The following RNF130 variants were observed in gnomAD, a reference collection of about 807,000 sequenced individuals.
The protein encoded by RNF130 is E3 ubiquitin-protein ligase RNF130.
A neutral mutation model predicts 44.6 loss-of-function variants in RNF130; 21 were observed. The ratio of observed to expected loss-of-function variants is 0.47; its 90% confidence interval spans 0.33 to 0.68. The LOEUF (loss-of-function observed/expected upper bound fraction) is 0.68, where lower values mean the gene tolerates loss of function less well. RNF130 is among the 30% of genes least tolerant of loss of function. RNF130 has a pLI of 0.02. For missense variants in RNF130, 479 were observed against 560.6 expected (o/e 0.85, Z 1.47); for synonymous variants, 214 against 210.4 (o/e 1.02, Z -0.15).
intron 7 of RNF130, among the ~76,000 whole-genome samples, chr5:179,931,626 G>A (rs966392576): frequency 2.6e-5 from 4 of 150,988 alleles, no homozygotes; most frequent in Admixed American, 6.6e-5. Context: ...AAAATTAGCC[G>A]GGCGTGGTGG....
In RNF130 at chr5:179,931,822, A is replaced by G. The variant is rs561023402; in HGVS notation, c.1151-11396T>C. On this transcript the variant is annotated intron_variant, in intron 7 of 7. Transcript: ENST00000522208. Reference sequence around the variant, plus strand: ...ACAGTACAAAGACTTTGTAACTGTGATTCAGGCCCCCCAGCACCCCCGTGA... The same window carrying G: ...ACAGTACAAAGACTTTGTAACTGTGGTTCAGGCCCCCCAGCACCCCCGTGA... 4.2e-4 allele frequency among the ~76,000 whole-genome samples: 64 copies of G among 152,178 alleles called. 1 individual carries two copies. In the East Asian group the frequency reaches 0.012, roughly 29 times the overall value.
chr5:180,038,420 T>A (rs1304046609), intron 2 of RNF130, among the ~76,000 whole-genome samples: 1 of 150,506 alleles, frequency 6.6e-6, no homozygotes, highest in Non-Finnish European at 1.5e-5. Context: ...TGTTTTTTTT[T>A]TTATTTTGAT....
intron 1 of RNF130, among the ~76,000 whole-genome samples, chr5:180,071,193 C>T (rs1437415386): frequency 6.6e-6 from 1 of 152,236 alleles, no homozygotes; most frequent in Non-Finnish European, 1.5e-5. Flanking sequence ...TAGCTCAATG[C>T]CCTCCAGCAA....
At chr5:179,928,109 T>C (rs1204726023) in intron 7 of RNF130, among the ~76,000 whole-genome samples, 1 of 152,168 alleles carries the variant, frequency 6.6e-6, no homozygotes, top group Non-Finnish European at 1.5e-5. Flanking sequence ...GGCATTTGCA[T>C]TGTTTCCTCT....
chr5:179,986,893 GTATTT>G (rs138488686), intron 3 of RNF130, among the ~76,000 whole-genome samples: 1,843 of 152,076 alleles, frequency 0.012, 33 homozygotes, highest in African/African-American at 0.042. Context: ...TTATTCTTAT[GTATTT>G]TATTTTTATG....
At chr5:179,928,014 T>C (rs1329345205) in intron 7 of RNF130, among the ~76,000 whole-genome samples, 3 of 152,202 alleles carry the variant, frequency 2.0e-5, no homozygotes, top group East Asian at 1.9e-4. Flanking sequence ...TCAGGGAATA[T>C]AGCAACAGTT....
intron 7 of RNF130, among the ~76,000 whole-genome samples, chr5:179,948,873 A>T (rs1375838614): frequency 6.6e-6 from 1 of 152,148 alleles, no homozygotes; most frequent in Non-Finnish European, 1.5e-5. Flanking sequence ...TGCTGGGTAG[A>T]ATCAGGGGCA....
At chr5:180,068,929 C>A (rs550274099) in intron 1 of RNF130, among the ~76,000 whole-genome samples, 9 of 152,234 alleles carry the variant, frequency 5.9e-5, no homozygotes, top group African/African-American at 2.2e-4. Context: ...GTCAAGAATT[C>A]TCCTCAATTC....
At chr5:180,007,504 A>C (rs1763487629) in intron 3 of RNF130, among the ~76,000 whole-genome samples, 1 of 152,204 alleles carries the variant, frequency 6.6e-6, no homozygotes, top group South Asian at 2.1e-4. Context: ...AAAATAGCCA[A>C]AGGTTTCAAC....
At chr5:179,946,833 C>T (rs937350054) in intron 7 of RNF130, among the ~76,000 whole-genome samples, 5 of 152,178 alleles carry the variant, frequency 3.3e-5, no homozygotes, top group African/African-American at 9.7e-5. Flanking sequence ...GGATTACAGA[C>T]GTCAGCCACC....
Position 179,970,516 on chromosome 5 carries a change from A to G in RNF130, c.849-10T>C, listed in dbSNP as rs756564740. The G allele has an allele frequency of 1.3e-5, 20 of 1,594,036 alleles. No individual in the cohort carries two copies. The South Asian group carries it at 1.9e-4, about 15-fold the overall frequency. ...TTTGTGGAAAACATGCCTATAAAAT[A>G]ATGGAGAATTATGTCACAAGTTACA... is the stretch of plus-strand genomic sequence containing the variant. On this transcript the variant is annotated splice_polypyrimidine_tract_variant and intron_variant, in intron 5 of 8. Transcript: ENST00000521389.
chr5:179,976,614 T>C (rs1235804555), intron 5 of RNF130, among the ~76,000 whole-genome samples: 1 of 152,200 alleles, frequency 6.6e-6, no homozygotes, highest in Non-Finnish European at 1.5e-5. Flanking sequence ...AGATTTTCCT[T>C]TATATGTAAA....
chr5:179,953,279 G>A (rs568995484), downstream of RNF130, among the ~76,000 whole-genome samples: 1 of 151,526 alleles, frequency 6.6e-6, no homozygotes, highest in South Asian at 2.1e-4. Context: ...ATCTACATAT[G>A]CAGTGCAATC....
Position 179,970,389 on chromosome 5 carries a change from CAA to C in RNF130, c.945+19_945+20del. ...ATATAATAATATACAAAAGTGGTAACAAATAAAATAGGAAACGTACCACAATT... is the reference window on the plus strand; with the variant it reads ...ATATAATAATATACAAAAGTGGTAACATAAAATAGGAAACGTACCACAATT... On this transcript the variant is annotated intron_variant, in intron 6 of 8. Coordinates refer to ENST00000521389, the MANE Select transcript of RNF130 (RefSeq NM_018434.6). The C allele has an allele frequency of 6.4e-7, 1 of 1,564,524 alleles. No individual in the cohort carries two copies. The highest frequency in any genetic ancestry group is 8.8e-7 in the Non-Finnish European group (1 of 1,140,842).
At chr5:180,022,893 C>T (rs1011064562) in intron 2 of RNF130, among the ~76,000 whole-genome samples, 5 of 152,162 alleles carry the variant, frequency 3.3e-5, no homozygotes, top group Admixed American at 2.6e-4. Context: ...GGAAAAGAAA[C>T]ATTAAGTAGA....
downstream of RNF130, among the ~76,000 whole-genome samples, chr5:179,950,615 A>G (rs1052142420): frequency 2.0e-5 from 3 of 152,206 alleles, no homozygotes; most frequent in Non-Finnish European, 4.4e-5. Flanking sequence ...CAGATGACAA[A>G]TGTTCCCTAA....
intron 3 of RNF130, among the ~76,000 whole-genome samples, chr5:179,986,844 ATTTC>A (rs1403909414): frequency 1.3e-5 from 2 of 152,096 alleles, no homozygotes; most frequent in Non-Finnish European, 2.9e-5. Flanking sequence ...GATCTCTTCA[ATTTC>A]TTTCATCAGT....
At chr5:179,979,082 G>T (rs924435043) in intron 4 of RNF130, among the ~76,000 whole-genome samples, 4 of 151,848 alleles carry the variant, frequency 2.6e-5, no homozygotes, top group African/African-American at 9.7e-5. Flanking sequence ...AACTGTGCTG[G>T]CCCGGGATAC....
At chr5:179,958,548 C>A (rs1378801524) in intron 8 of RNF130, among the ~76,000 whole-genome samples, 1 of 152,224 alleles carries the variant, frequency 6.6e-6, no homozygotes, top group Non-Finnish European at 1.5e-5. Flanking sequence ...CATCTCAGAG[C>A]CTTCTACCTG....
Sources: allele counts gnomAD v4.1 joint callset (sites outside exome capture counted in the v4.1 genomes callset), GRCh38; gene constraint gnomAD v4.1.1; transcripts MANE v1.5; gene names NCBI Gene and HGNC (gene_info 2026-07-23, HGNC 2026-07-21).